Variants in GRID2 observed in about 807,000 individuals in gnomAD.
GRID2 encodes glutamate receptor ionotropic, delta-2.
A neutral mutation model predicts 114.8 loss-of-function variants in GRID2; 33 were observed. That is an observed-to-expected ratio of 0.29 (90% CI 0.22 to 0.38). The LOEUF (loss-of-function observed/expected upper bound fraction) is 0.38. GRID2 is among the 10% of genes least tolerant of loss of function. The probability of loss-of-function intolerance (pLI) is 1.00; values close to 1 mark genes in which losing one functional copy is unlikely to be tolerated. For missense variants in GRID2, 1,184 were observed against 1,257.7 expected (o/e 0.94, Z 0.89); for synonymous variants, 505 against 449.9 (o/e 1.12, Z -1.55).
At chr4:93,072,228 T>C (rs1162858266) in intron 2 of GRID2, among the ~76,000 whole-genome samples, 2 of 151,992 alleles carry the variant, frequency 1.3e-5, no homozygotes, top group East Asian at 3.9e-4. Flanking sequence ...AGTAACCAAA[T>C]AACCCAACAT....
intron 1 of GRID2, among the ~76,000 whole-genome samples, chr4:92,401,250 T>A (rs892400505): frequency 2.6e-5 from 4 of 152,190 alleles, no homozygotes; most frequent in Non-Finnish European, 5.9e-5. Context: ...AAGTTTATTA[T>A]ATGCAATTTG....
intron 2 of GRID2, among the ~76,000 whole-genome samples, chr4:92,879,159 T>C (rs985262062): frequency 6.6e-6 from 1 of 152,084 alleles, no homozygotes; most frequent in Non-Finnish European, 1.5e-5. Context: ...TAAAATATGG[T>C]GATTTTATTT....
chr4:92,757,157 C>T (rs1220226659), intron 2 of GRID2, among the ~76,000 whole-genome samples: 1 of 151,994 alleles, frequency 6.6e-6, no homozygotes, highest in Non-Finnish European at 1.5e-5. Flanking sequence ...TAGTTTTATT[C>T]TTCTGTATAT....
At chr4:92,460,522 C>A (rs186688056) in intron 1 of GRID2, among the ~76,000 whole-genome samples, 7 of 152,140 alleles carry the variant, frequency 4.6e-5, no homozygotes, top group Non-Finnish European at 8.8e-5. Flanking sequence ...CTGACTCTTA[C>A]AATTGTTATT....
chr4:92,703,388 T>C (rs1397106661), intron 2 of GRID2, among the ~76,000 whole-genome samples: 1 of 152,024 alleles, frequency 6.6e-6, no homozygotes, highest in African/African-American at 2.4e-5. Context: ...ATACTGACTT[T>C]AAAGAAACCT....
At chr4:93,710,714 G>C (rs371739498) in intron 14 of GRID2, among the ~76,000 whole-genome samples, 2 of 152,176 alleles carry the variant, frequency 1.3e-5, no homozygotes, top group Non-Finnish European at 2.9e-5. Context: ...TGCTGTCTGG[G>C]AGCCAGGACC....
chr4:93,306,805 T>G (rs565326061), intron 8 of GRID2, among the ~76,000 whole-genome samples: 6 of 152,322 alleles, frequency 3.9e-5, no homozygotes, highest in African/African-American at 1.4e-4. Flanking sequence ...TCTTGCATTC[T>G]TTTGTGATTG....
intron 1 of GRID2, among the ~76,000 whole-genome samples, chr4:92,428,820 AT>A (rs1409776199): frequency 1.3e-5 from 2 of 152,068 alleles, no homozygotes; most frequent in African/African-American, 2.4e-5. Context: ...AGGTGTGTAC[AT>A]TTTTTTGAAA....
At chr4:92,924,542 A>G (rs998112083) in intron 2 of GRID2, among the ~76,000 whole-genome samples, 28 of 152,136 alleles carry the variant, frequency 1.8e-4, no homozygotes, top group Non-Finnish European at 2.9e-5. Context: ...TAGTTTTAAA[A>G]ATTATCTTCC....
At chr4:92,697,882 A>G (rs920603610) in intron 2 of GRID2, among the ~76,000 whole-genome samples, 7 of 152,120 alleles carry the variant, frequency 4.6e-5, no homozygotes. Flanking sequence ...TAAAATATAA[A>G]CTGAGATAGC....
At chr4:93,137,956 T>A (rs72665288) in intron 4 of GRID2, among the ~76,000 whole-genome samples, 10,906 of 146,906 alleles carry the variant, frequency 0.074, 487 homozygotes, top group East Asian at 0.22. Flanking sequence ...CTAGCAAGAA[T>A]TTTTTCTTCG....
At chr4:93,132,284 T>A (rs1186982239) in intron 4 of GRID2, among the ~76,000 whole-genome samples, 2 of 152,196 alleles carry the variant, frequency 1.3e-5, no homozygotes, top group African/African-American at 4.8e-5. Flanking sequence ...TTGTTTCACT[T>A]AGGCAAAAAG....
intron 2 of GRID2, among the ~76,000 whole-genome samples, chr4:93,001,766 G>T (rs1211091579): frequency 6.6e-6 from 1 of 151,580 alleles, no homozygotes; most frequent in African/African-American, 2.4e-5. Context: ...ACATTTCAAT[G>T]AACTATTACT....
intron 13 of GRID2, among the ~76,000 whole-genome samples, chr4:93,616,917 C>T (rs1578408551): frequency 1.3e-5 from 2 of 150,962 alleles, no homozygotes; most frequent in South Asian, 2.1e-4. Context: ...GGCGTGAACC[C>T]GGGAGGTGGA....
chr4:93,524,316 T>G (rs1317804850), intron 13 of GRID2, among the ~76,000 whole-genome samples: 1 of 152,026 alleles, frequency 6.6e-6, no homozygotes. Context: ...ATGATTCACT[T>G]CAGTACTACA....
At chr4:93,194,444 A>G (rs1335395282) in intron 4 of GRID2, among the ~76,000 whole-genome samples, 4 of 152,116 alleles carry the variant, frequency 2.6e-5, no homozygotes, top group Non-Finnish European at 4.4e-5. Flanking sequence ...TTTTTTTCTA[A>G]AACAAGCCTT....
chr4:92,477,655 A>G (rs1182026200), intron 1 of GRID2, among the ~76,000 whole-genome samples: 4 of 151,034 alleles, frequency 2.6e-5, no homozygotes, highest in Non-Finnish European at 5.9e-5. Context: ...TTTAATATAT[A>G]TATATTTTAA....
chr4:93,133,035 T>C (rs991974322), intron 4 of GRID2, among the ~76,000 whole-genome samples: 3 of 152,208 alleles, frequency 2.0e-5, no homozygotes, highest in Non-Finnish European at 4.4e-5. Flanking sequence ...AGGTTAAACC[T>C]GGACTTTCCA....
intron 13 of GRID2, among the ~76,000 whole-genome samples, chr4:93,605,988 T>C (rs966954711): frequency 3.3e-5 from 5 of 152,102 alleles, no homozygotes; most frequent in Admixed American, 3.3e-4. Flanking sequence ...GAACTGAGGC[T>C]GGCCATGGTG....
Sources: gnomAD v4.1 joint callset for allele counts (sites outside exome capture counted in the v4.1 genomes callset) on GRCh38, gnomAD v4.1.1 for gene constraint, MANE v1.5 for transcripts, NCBI Gene and HGNC (gene_info 2026-07-23, HGNC 2026-07-21) for gene names.